Variants in COQ7 observed in about 807,000 individuals in gnomAD.
COQ7 encodes coenzyme Q7, hydroxylase.
A neutral mutation model predicts 25.0 loss-of-function variants in COQ7; 21 were observed. The observed-to-expected ratio is 0.84, with a 90% CI of 0.60 to 1.21. The LOEUF is 1.21. Among genes scored for constraint, COQ7 ranks in the 50% most tolerant of loss-of-function variants. The pLI, the probability that COQ7 is intolerant of heterozygous loss-of-function variation, is 0.00. For missense variants in COQ7, 311 were observed against 296.2 expected, an observed-to-expected ratio of 1.05 and a Z score of -0.37; for synonymous variants, 125 against 112.4, an observed-to-expected ratio of 1.11 and a Z score of -0.71.
In COQ7 at chr16:19,076,125, T is replaced by A. The variant is rs1051906923; in HGVS notation, c.507+265T>A. On this transcript the variant is annotated intron_variant, in intron 4 of 5. Coordinates refer to ENST00000321998, the MANE Select transcript of COQ7 (RefSeq NM_016138.5). The stretch of plus-strand genomic sequence containing the variant: ...ATTTAGAGATGAGGTCTTGCTCCGT[T>A]GCCCAGGCCGGAGTACAGTGGCACA... Among the ~76,000 whole-genome samples the A allele has an allele frequency of 5.3e-5, 8 of 152,234 alleles. No individual in the cohort carries two copies. In the South Asian group the frequency reaches 1.7e-3, roughly 32 times the overall value.
At chr16:19,067,810 C>G (rs1263908948) in intron 1 of COQ7, 73 bp downstream of exon 1, 1 of 1,563,808 alleles carries the variant, frequency 6.4e-7, no homozygotes, top group African/African-American at 1.4e-5. Flanking sequence ...AGGTTTGGGT[C>G]GAAGAGGTCA....
At position 19,078,788 on chromosome 16, in the gene COQ7, A is replaced by G. The variant is rs1441364923; in HGVS notation, c.*630A>G. On this transcript the variant is annotated 3_prime_UTR_variant, in exon 6 of 6. Coordinates refer to ENST00000321998, the MANE Select transcript of COQ7 (RefSeq NM_016138.5). ...AAAACTTCAAGGACAAATCATTAAT[A>G]ATGTAACAGGAATCTTTAGGAGAAA... The G allele has an allele frequency of 6.6e-6, 1 of 152,170 alleles. No homozygotes were observed. The highest frequency in any genetic ancestry group is 1.5e-5 in the Non-Finnish European group (1 of 68,028). 9.4% of individuals were successfully genotyped at this position (152,170 alleles called of 1,614,324 possible).
At chr16:19,077,247 A>G in intron 4 of COQ7, 59 bp from the exon 5 acceptor site, 2 of 1,475,510 alleles carry the variant, frequency 1.4e-6, no homozygotes, top group Non-Finnish European at 1.9e-6. Context: ...TCCAAAATGA[A>G]ATGGAACAGC....
At chr16:19,068,166 C>G (rs1443123308) in intron 1 of COQ7, 2 of 1,038,368 alleles carry the variant, frequency 1.9e-6, no homozygotes, top group Non-Finnish European at 2.3e-6. Flanking sequence ...GCTAGAAATA[C>G]AGATTCTCGG....
chr16:19,077,872 C>T (rs1962941543), intron 5 of COQ7, among the ~76,000 whole-genome samples: 1 of 152,162 alleles, frequency 6.6e-6, no homozygotes, highest in African/African-American at 2.4e-5. Context: ...CATTTCCTTT[C>T]CTGTGAGAAT....
rs912346225 is a variant in COQ7 at position 19,079,301 on chromosome 16, C to G, written c.*1143C>G. On this transcript the variant is annotated 3_prime_UTR_variant, in exon 6 of 6. Transcript: ENST00000321998. Reference sequence around the variant, plus strand: ...ATTTTGTTATAGCAGCCTGAACAGACTAAGACGGGGGTGTTGCTTCCATCA... The same window carrying G: ...ATTTTGTTATAGCAGCCTGAACAGAGTAAGACGGGGGTGTTGCTTCCATCA... 1 of 152,108 alleles carries G rather than the reference C, an allele frequency of 6.6e-6. No homozygotes were observed. The highest frequency in any genetic ancestry group is 6.6e-5 in the Admixed American group (1 of 15,250). The allele number at this position is 152,108 out of a possible 1,614,324, so 9.4% of individuals were successfully genotyped here.
chr16:19,073,850 T>G, intron 2 of COQ7, 71 bp from the exon 3 acceptor site: 1 of 1,125,730 alleles, frequency 8.9e-7, no homozygotes, highest in Admixed American at 2.0e-5. Context: ...CTTTGCTCCC[T>G]GTATGCCGCT....
chr16:19,079,159 T>C lies in COQ7; in HGVS notation c.*1001T>C, dbSNP rs1963014115. On this transcript the variant is annotated 3_prime_UTR_variant, in exon 6 of 6. Coordinates refer to ENST00000321998, the MANE Select transcript of COQ7 (RefSeq NM_016138.5). ...ACTTCAAGGGGAAGTATGAGACTTC[T>C]CTGAGGAAGCAGACCCTTCACAAGC... 2.6e-5 allele frequency: 4 copies of C among 152,242 alleles called. No individual in the cohort carries two copies. The highest frequency in any genetic ancestry group is 2.6e-4 in the Admixed American group (4 of 15,266). The allele number at this position is 152,242 out of a possible 1,614,324, so 9.4% of individuals were successfully genotyped here. A position where few individuals can be genotyped will look rare whatever the true frequency, so the allele number is the denominator to read the frequency against.
chr16:19,075,513 T>C (rs959151766), intron 3 of COQ7, among the ~76,000 whole-genome samples: 1 of 152,132 alleles, frequency 6.6e-6, no homozygotes, highest in Non-Finnish European at 1.5e-5. Flanking sequence ...CAGTTTTGAT[T>C]GTCAAAACTT....
chr16:19,081,544 T>C (rs1250955538), downstream of COQ7, among the ~76,000 whole-genome samples: 2 of 152,194 alleles, frequency 1.3e-5, no homozygotes, highest in African/African-American at 2.4e-5. Flanking sequence ...ACCCAACTCA[T>C]AGGTATTGGA....
chr16:19,072,133 C>T (rs766949105), intron 2 of COQ7, 27 bp downstream of exon 2: 1 of 1,613,224 alleles, frequency 6.2e-7, no homozygotes, highest in South Asian at 1.1e-5. Context: ...CTCCCTCACC[C>T]TGGTCTACTG....
intron 1 of COQ7, among the ~76,000 whole-genome samples, chr16:19,070,068 G>A (rs1962476901): frequency 6.6e-6 from 1 of 152,166 alleles, no homozygotes; most frequent in East Asian, 1.9e-4. Context: ...ACAGGCATGA[G>A]CCACCACACC....
intron 5 of COQ7, 152 bp downstream of exon 5, chr16:19,077,526 C>T (rs897034668): frequency 1.4e-5 from 7 of 488,146 alleles, no homozygotes; most frequent in African/African-American, 7.9e-5. Flanking sequence ...AGCAAGCAAA[C>T]GCATTATTGC....
intron 2 of COQ7, chr16:19,072,405 C>A: frequency 2.9e-6 from 1 of 348,888 alleles, no homozygotes; most frequent in Non-Finnish European, 5.3e-6. Context: ...CAGCAGTCAA[C>A]TGTGCTGAAA....
intron 2 of COQ7, among the ~76,000 whole-genome samples, chr16:19,073,334 C>T (rs75115330): frequency 0.015 from 1,987 of 136,774 alleles, 52 homozygotes; most frequent in African/African-American, 0.049. Context: ...ACCGCACACA[C>T]ACCACAAAAT....
chr16:19,075,679 T>C (rs1962795214), intron 3 of COQ7, 42 bp from the exon 4 acceptor site: 1 of 1,530,630 alleles, frequency 6.5e-7, no homozygotes, highest in Admixed American at 2.2e-5. Context: ...TTACCGGTCA[T>C]ATCTGTCTCT....
intron 4 of COQ7, among the ~76,000 whole-genome samples, chr16:19,076,882 G>A (rs1962875089): frequency 6.6e-6 from 1 of 152,140 alleles, no homozygotes; most frequent in Non-Finnish European, 1.5e-5. Context: ...GTGAGCCACC[G>A]CGCCCGGCCC....
intron 3 of COQ7, among the ~76,000 whole-genome samples, chr16:19,074,560 C>A (rs78472936): frequency 0.011 from 1,638 of 151,982 alleles, 16 homozygotes; most frequent in Middle Eastern, 0.051. Context: ...AAAAACAAAC[C>A]AGAGCCAGGG....
In COQ7 at chr16:19,079,359, A is replaced by T. The variant is rs920924653; in HGVS notation, c.*1201A>T. 6.6e-6 allele frequency: 1 copy of T among 152,202 alleles called. No homozygotes were observed. Among genetic ancestry groups the T allele is most frequent in the Non-Finnish European group, 1.5e-5 (1 of 68,034 alleles). 9.4% of individuals were successfully genotyped at this position (152,202 alleles called of 1,614,324 possible). ...TACTAAGTTGTGGATTATTTGTGAA[A>T]TTGAATTACAACCTTTTCCTTAAGG... On this transcript the variant is annotated 3_prime_UTR_variant, in exon 6 of 6. Transcript: ENST00000321998.
Sources: gnomAD v4.1 joint callset for allele counts (sites outside exome capture counted in the v4.1 genomes callset) on GRCh38, gnomAD v4.1.1 for gene constraint, MANE v1.5 for transcripts, NCBI Gene and HGNC (gene_info 2026-07-23, HGNC 2026-07-21) for gene names.